The following SHISA6 variants were observed in gnomAD, a reference collection of about 807,000 sequenced individuals.
SHISA6 encodes protein shisa-6.
In SHISA6, 22 loss-of-function variants were observed where a neutral mutation model predicts 47.9. That is an observed-to-expected ratio of 0.46 (90% CI 0.33 to 0.66). The LOEUF is 0.66. Ranked by LOEUF, SHISA6 falls within the 30% of genes least tolerant of loss-of-function variation. The pLI is 0.02. For synonymous variants in SHISA6, 388 were observed against 337.8 expected, an observed-to-expected ratio of 1.15 and a Z score of -1.63; for missense variants, 680 against 764.6, an observed-to-expected ratio of 0.89 and a Z score of 1.30.
In SHISA6 at chr17:11,507,943, G is replaced by A. The variant is rs2071513594; in HGVS notation, c.896-43953G>A. ...GTCCCCTCCCACACACAGGAGACAT[G>A]AGGTCAAAGGGAGTGAGCTAGCCCA... On this transcript the variant is annotated intron_variant, in intron 3 of 5. Coordinates refer to ENST00000441885, the MANE Select transcript of SHISA6 (RefSeq NM_207386.4). Among the ~76,000 whole-genome samples, 2 of 152,298 alleles carry A rather than the reference G, an allele frequency of 1.3e-5. 1 individual carries two copies. Among genetic ancestry groups the A allele is most frequent in the East Asian group, 3.9e-4 (2 of 5,188 alleles).
At chr17:11,289,586 A>ATG (rs1273358147) in intron 2 of SHISA6, 9 of 70,352 alleles carry the variant, frequency 1.3e-4, no homozygotes, top group African/African-American at 3.0e-4. Flanking sequence ...AAATATATAT[A>ATG]TATGTATATA....
At chr17:11,393,588 G>T (rs1031551125) in intron 3 of SHISA6, among the ~76,000 whole-genome samples, 1 of 152,034 alleles carries the variant, frequency 6.6e-6, no homozygotes, top group Non-Finnish European at 1.5e-5. Context: ...TATTACTTAG[G>T]TTATTTATTT....
At chr17:11,474,704 G>C (rs964537912) in intron 3 of SHISA6, among the ~76,000 whole-genome samples, 1 of 152,102 alleles carries the variant, frequency 6.6e-6, no homozygotes, top group Non-Finnish European at 1.5e-5. Context: ...TAATTTGTCT[G>C]TCCTTTCATT....
intron 3 of SHISA6, among the ~76,000 whole-genome samples, chr17:11,474,746 A>G (rs1424233456): frequency 6.6e-6 from 1 of 152,162 alleles, no homozygotes; most frequent in Non-Finnish European, 1.5e-5. Flanking sequence ...CTGTAACTTT[A>G]TAGTTAAAGT....
chr17:11,398,720 G>C (rs976486699), intron 3 of SHISA6, among the ~76,000 whole-genome samples: 1 of 151,992 alleles, frequency 6.6e-6, no homozygotes, highest in Non-Finnish European at 1.5e-5. Flanking sequence ...AGCCTCCCAA[G>C]TAGCTGGGAC....
intron 2 of SHISA6, chr17:11,290,957 G>T (rs1188161721): frequency 6.6e-6 from 1 of 151,498 alleles, no homozygotes; most frequent in Non-Finnish European, 1.5e-5. Flanking sequence ...CTGACTTTCT[G>T]CTAGGTTCCA....
chr17:11,367,279 T>C (rs1057067709), intron 2 of SHISA6, among the ~76,000 whole-genome samples: 2 of 152,032 alleles, frequency 1.3e-5, no homozygotes, highest in African/African-American at 4.8e-5. Flanking sequence ...TTTCAGGAGC[T>C]AAGTCCTTGA....
At chr17:11,410,632 G>A (rs1321706532) in intron 3 of SHISA6, among the ~76,000 whole-genome samples, 5 of 142,694 alleles carry the variant, frequency 3.5e-5, no homozygotes, top group East Asian at 2.0e-4. Context: ...GATATTGGAC[G>A]CCCCCTTCAT....
intron 2 of SHISA6, among the ~76,000 whole-genome samples, chr17:11,279,061 C>T (rs55672222): frequency 0.46 from 70,626 of 151,938 alleles, 16,808 homozygotes; most frequent in Non-Finnish European, 0.52. Flanking sequence ...GCTGTGGAGC[C>T]CTCCTGAGTG....
chr17:11,343,742 A>G (rs1374818842), intron 2 of SHISA6, among the ~76,000 whole-genome samples: 1 of 152,242 alleles, frequency 6.6e-6, no homozygotes, highest in Non-Finnish European at 1.5e-5. Context: ...TGCTCTCCAG[A>G]TACACCTATA....
intron 2 of SHISA6, among the ~76,000 whole-genome samples, chr17:11,307,616 T>C (rs1272351698): frequency 1.3e-5 from 2 of 152,176 alleles, no homozygotes; most frequent in Non-Finnish European, 2.9e-5. Flanking sequence ...CACCTGTGTG[T>C]CAGGTTATTG....
intron 2 of SHISA6, among the ~76,000 whole-genome samples, chr17:11,378,589 G>C (rs1004329845): frequency 6.6e-6 from 1 of 152,096 alleles, no homozygotes; most frequent in Admixed American, 6.6e-5. Context: ...TATTTCAAGC[G>C]TACTGCAAAA....
intron 2 of SHISA6, among the ~76,000 whole-genome samples, chr17:11,286,613 G>A (rs1909309040): frequency 1.3e-5 from 2 of 152,224 alleles, no homozygotes; most frequent in Admixed American, 1.3e-4. Flanking sequence ...ATGTTTCTGG[G>A]GAATCACGGA....
chr17:11,416,130 C>T (rs1914273261), intron 3 of SHISA6, among the ~76,000 whole-genome samples: 1 of 152,104 alleles, frequency 6.6e-6, no homozygotes, highest in Non-Finnish European at 1.5e-5. Context: ...AAGGCCCCAC[C>T]TCCAGATGCC....
chr17:11,415,644 G>A (rs184138640), intron 3 of SHISA6, among the ~76,000 whole-genome samples: 1 of 152,316 alleles, frequency 6.6e-6, no homozygotes, highest in African/African-American at 2.4e-5. Context: ...TAATGAGGTT[G>A]TTCATTCACA....
At chr17:11,504,109 G>A (rs574241803) in intron 3 of SHISA6, among the ~76,000 whole-genome samples, 1 of 152,310 alleles carries the variant, frequency 6.6e-6, no homozygotes, top group South Asian at 2.1e-4. Context: ...TGATGACCTT[G>A]GAAGGGTCCA....
intron 3 of SHISA6, among the ~76,000 whole-genome samples, chr17:11,438,633 A>G (rs915767634): frequency 6.6e-6 from 1 of 152,146 alleles, no homozygotes; most frequent in Admixed American, 6.5e-5. Context: ...TTATAACATC[A>G]TTTAACCTTA....
In SHISA6 at chr17:11,241,440, C is replaced by CCTGCTG. The variant is rs547042259; in HGVS notation, c.30_35dup (p.Leu11_Leu12dup). ...GCCCCGCCATGGCGCTGCGGCGCCT[C>CCTGCTG]CTGCTGCTGCTGCTGCTCTCGCTGG... On this transcript the variant is annotated inframe_insertion, in exon 1 of 6. Transcript: ENST00000441885. This position sits in a 1 kb window ranked among gnomAD's most constrained non-coding sequence, Gnocchi z 5.5. 78 of 1,194,326 alleles carry CCTGCTG rather than the reference C, an allele frequency of 6.5e-5. No individual in the cohort carries two copies. The highest frequency in any genetic ancestry group is 6.3e-4 in the African/African-American group (38 of 60,798). The allele number at this position is 1,194,326 out of a possible 1,614,324, so 74.0% of individuals were successfully genotyped here.
chr17:11,308,181 A>G (rs936982339), intron 2 of SHISA6, among the ~76,000 whole-genome samples: 2 of 152,194 alleles, frequency 1.3e-5, no homozygotes, highest in Non-Finnish European at 2.9e-5. Context: ...TGCAGTCCAG[A>G]GGGACGAACC....
Sources: gnomAD v4.1 joint callset for allele counts (sites outside exome capture counted in the v4.1 genomes callset) on GRCh38, gnomAD v4.1.1 for gene constraint, Gnocchi (gnomAD v3.1) non-coding constraint, MANE v1.5 for transcripts, NCBI Gene and HGNC (gene_info 2026-07-23, HGNC 2026-07-21) for gene names.